The following BBS5 variants were observed in gnomAD, a reference collection of about 807,000 sequenced individuals.
The protein encoded by BBS5 is BBSome complex member BBS5.
In BBS5, 39 loss-of-function variants were observed where a neutral mutation model predicts 50.2. The observed-to-expected ratio is 0.78, with a 90% CI of 0.60 to 1.01. BBS5 has a LOEUF of 1.01. Among genes scored for constraint, BBS5 ranks in the 50% least tolerant of loss-of-function variants. The pLI, the probability that BBS5 is intolerant of heterozygous loss-of-function variation, is 0.00. For missense variants in BBS5, 356 were observed against 401.5 expected, an observed-to-expected ratio of 0.89 and a Z score of 0.97; for synonymous variants, 134 against 133.1, an observed-to-expected ratio of 1.01 and a Z score of -0.05.
rs577688589 is a variant in BBS5 at position 169,480,670 on chromosome 2, C to CTTTTTTTTTTT, written c.59+1076_59+1086dup. Among the ~76,000 whole-genome samples, 14 of 73,168 alleles carry CTTTTTTTTTTT rather than the reference C, an allele frequency of 1.9e-4. 1 individual carries two copies. Among genetic ancestry groups the CTTTTTTTTTTT allele is most frequent in the East Asian group, 1.1e-3 (2 of 1,872 alleles). 48.0% of individuals were successfully genotyped at this position (73,168 alleles called of 152,430 possible). ...ACTTTCTATGACATTTTCTGTCATT[C>CTTTTTTTTTTT]TTTTTTTTTTTTTTTTTTTTTTTTT... is the stretch of plus-strand genomic sequence containing the variant. On this transcript the variant is annotated intron_variant, in intron 1 of 11. Coordinates refer to ENST00000295240, the MANE Select transcript of BBS5 (RefSeq NM_152384.3).
chr2:169,479,755 G>A (rs774473566), intron 1 of BBS5, 143 bp downstream of exon 1: 1 of 938,822 alleles, frequency 1.1e-6, no homozygotes, highest in Non-Finnish European at 1.7e-6. Flanking sequence ...TCCGCGCCTC[G>A]AGAGACCTCA....
chr2:169,484,450 A>G (rs1683457312), intron 2 of BBS5, among the ~76,000 whole-genome samples: 1 of 152,190 alleles, frequency 6.6e-6, no homozygotes, highest in African/African-American at 2.4e-5. Flanking sequence ...TTGAAATTTT[A>G]CAGGAGTACG....
chr2:169,499,942 G>T (rs1430493480), intron 9 of BBS5, among the ~76,000 whole-genome samples: 2 of 152,088 alleles, frequency 1.3e-5, no homozygotes, highest in African/African-American at 4.8e-5. Context: ...TTTTACTTCA[G>T]CCCCCTATGA....
At chr2:169,496,741 C>T (rs1303169368) in intron 7 of BBS5, among the ~76,000 whole-genome samples, 7 of 151,492 alleles carry the variant, frequency 4.6e-5, no homozygotes, top group South Asian at 4.1e-4. Flanking sequence ...TAGTGGCGGG[C>T]GCCTGTAGTC....
chr2:169,499,598 T>C lies in BBS5; in HGVS notation c.794T>C (p.Val265Ala), dbSNP rs760369493. The change falls in exon 9 of 12, where the codon GTT becomes GCT. Residue 265 changes from valine to alanine, a missense_variant. Transcript: ENST00000295240. ...TATTCTGCCAGTCCCATATTTGGAG[T>C]TGATTATGAGATGGAAGAAAAGGTA... is the stretch of plus-strand genomic sequence containing the variant. ...KVYSASPIFGVDYEMEEKPQP... is the reference protein window; with the variant it reads ...KVYSASPIFGADYEMEEKPQP... 2 of 1,613,852 alleles carry C rather than the reference T, an allele frequency of 1.2e-6. No homozygotes were observed. The highest frequency in any genetic ancestry group is 1.7e-6 in the Non-Finnish European group (2 of 1,179,856).
At chr2:169,503,070 C>G (rs1441026226) in intron 9 of BBS5, 25 bp from the exon 10 acceptor site, 10 of 1,553,032 alleles carry the variant, frequency 6.4e-6, no homozygotes, top group Admixed American at 1.7e-5. Context: ...GTCTCTGATG[C>G]ATTTTAACAT....
chr2:169,498,396 T>G (rs1249388090), intron 8 of BBS5, among the ~76,000 whole-genome samples: 3 of 152,232 alleles, frequency 2.0e-5, no homozygotes, highest in African/African-American at 4.8e-5. Flanking sequence ...TCCTTTCTCC[T>G]GGCCTACAGC....
In BBS5 at chr2:169,493,755, CT is replaced by C; in HGVS notation, c.543del (p.Phe181LeufsTer5). ...LSSDQGNLGT[F>X]FITNVRIVWH... ...GTTTTTTACAGGGCAATTTAGGAAC[CT>C]TTTTTATTACCAATGTGAGAATTGT... On this transcript the variant is annotated frameshift_variant, in exon 7 of 12. Coordinates refer to ENST00000295240, the MANE Select transcript of BBS5 (RefSeq NM_152384.3). LOFTEE classifies it high-confidence loss of function. 1 of 1,611,726 alleles carries C rather than the reference CT, an allele frequency of 6.2e-7. No individual in the cohort carries two copies.
Position 169,504,763 on chromosome 2 carries a change from C to A in BBS5, c.*181C>A. 7.3e-7 allele frequency: 1 copy of A among 1,372,030 alleles called. No homozygotes were observed. Among genetic ancestry groups the A allele is most frequent in the Non-Finnish European group, 1.0e-6 (1 of 997,644 alleles). The allele number at this position is 1,372,030 out of a possible 1,614,324, so 85.0% of individuals were successfully genotyped here. A position where few individuals can be genotyped will look rare whatever the true frequency, so the allele number is the denominator to read the frequency against. On this transcript the variant is annotated 3_prime_UTR_variant, in exon 12 of 12. Transcript: ENST00000295240. ...AAACTTCAGTTTTCGGCCAGCGCGT[C>A]GAGGGAGGGGCCAGCGACACATGGC...
chr2:169,481,002 T>C (rs1332094299), intron 1 of BBS5, among the ~76,000 whole-genome samples: 1 of 152,118 alleles, frequency 6.6e-6, no homozygotes, highest in Admixed American at 6.6e-5. Context: ...TCTTGTAGGG[T>C]TCTTAATCCA....
At chr2:169,501,693 T>A (rs1683805782) in intron 9 of BBS5, among the ~76,000 whole-genome samples, 1 of 152,126 alleles carries the variant, frequency 6.6e-6, no homozygotes, top group South Asian at 2.1e-4. Flanking sequence ...CAGTGAGCTA[T>A]GATCATGCCA....
chr2:169,499,375 C>A, intron 8 of BBS5, 111 bp from the exon 9 acceptor site: 1 of 1,150,408 alleles, frequency 8.7e-7, no homozygotes, highest in Non-Finnish European at 1.2e-6. Flanking sequence ...AAAAAATGAA[C>A]TTACGTATTA....
At chr2:169,495,388 G>T (rs1683675260) in intron 7 of BBS5, among the ~76,000 whole-genome samples, 1 of 152,118 alleles carries the variant, frequency 6.6e-6, no homozygotes, top group South Asian at 2.1e-4. Context: ...TGTGCTTTCT[G>T]TTCTTTTTGT....
At chr2:169,489,648 C>G (rs1215758058) in intron 5 of BBS5, among the ~76,000 whole-genome samples, 1 of 150,442 alleles carries the variant, frequency 6.6e-6, no homozygotes, top group Non-Finnish European at 1.5e-5. Flanking sequence ...TTACTAAATT[C>G]TTCTCTTTTC....
rs557092760 is a variant in BBS5, at chr2:169,505,105, C to A, written c.*523C>A. ...GAGTGCCTGCGATTACAGGCGCGCG[C>A]CGCCACACCTGACTGGTTTTCGTAT... On this transcript the variant is annotated 3_prime_UTR_variant, in exon 12 of 12. Coordinates refer to ENST00000295240, the MANE Select transcript of BBS5 (RefSeq NM_152384.3). The A allele has an allele frequency of 1.8e-3, 1,737 of 961,284 alleles. 8 individuals carry two copies. The highest frequency in any genetic ancestry group is 2.4e-3 in the Non-Finnish European group (1,483 of 615,634). 59.5% of individuals were successfully genotyped at this position (961,284 alleles called of 1,614,324 possible).
In BBS5 at chr2:169,487,852, C is replaced by T. The variant is rs1230457752; in HGVS notation, c.255C>T (p.Asn85=). 1 of 1,603,368 alleles carries T rather than the reference C, an allele frequency of 6.2e-7. No individual in the cohort carries two copies. The highest frequency in any genetic ancestry group is 1.3e-5 in the African/African-American group (1 of 74,548). Residue 85 remains asparagine, a synonymous_variant, in exon 4 of 12, where the codon AAC becomes AAT. Coordinates refer to ENST00000295240, the MANE Select transcript of BBS5 (RefSeq NM_152384.3). The part of the protein sequence containing the change: ...CILNITTRTA[N]SKLRGQTEAL... Reference sequence around the variant, plus strand: ...TGAATATTACAACAAGGACTGCTAACTCTGTAAGTCTAAAAAATCTTATTG... The same window carrying T: ...TGAATATTACAACAAGGACTGCTAATTCTGTAAGTCTAAAAAATCTTATTG...
At chr2:169,501,248 T>C (rs767640110) in intron 9 of BBS5, among the ~76,000 whole-genome samples, 4 of 152,214 alleles carry the variant, frequency 2.6e-5, no homozygotes, top group African/African-American at 4.8e-5. Flanking sequence ...TTTGAAGTAT[T>C]CCTTCATTTT....
chr2:169,506,376 A>C lies in BBS5; in HGVS notation c.*1794A>C, dbSNP rs1700125970. On this transcript the variant is annotated 3_prime_UTR_variant, in exon 12 of 12. Coordinates refer to ENST00000295240, the MANE Select transcript of BBS5 (RefSeq NM_152384.3). ...GAGTGGAGGTGGGGGGAAGGTGGGGAAAAGATTGAGAAATCGGATGGTTGC... is the reference window on the plus strand; with the variant it reads ...GAGTGGAGGTGGGGGGAAGGTGGGGCAAAGATTGAGAAATCGGATGGTTGC... 5.4e-6 allele frequency: 1 copy of C among 185,998 alleles called. No homozygotes were observed. Among genetic ancestry groups the C allele is most frequent in the South Asian group, 1.4e-4 (1 of 7,092 alleles). 11.5% of individuals were successfully genotyped at this position (185,998 alleles called of 1,614,324 possible). A position where few individuals can be genotyped will look rare whatever the true frequency, so the allele number is the denominator to read the frequency against.
chr2:169,486,770 A>G (rs935836604), intron 2 of BBS5, among the ~76,000 whole-genome samples: 1 of 152,176 alleles, frequency 6.6e-6, no homozygotes, highest in African/African-American at 2.4e-5. Context: ...AACAACTTCT[A>G]CCAAGACAAA....
Sources: gnomAD v4.1 joint callset for allele counts (sites outside exome capture counted in the v4.1 genomes callset) on GRCh38, gnomAD v4.1.1 for gene constraint, MANE v1.5 for transcripts, NCBI Gene and HGNC (gene_info 2026-07-23, HGNC 2026-07-21) for gene names.